NUBPL: variants seen among roughly 807,000 people sequenced by gnomAD.
NUBPL encodes the protein NUBP iron-sulfur cluster assembly factor, mitochondrial.
In NUBPL, 31 loss-of-function variants were observed where a neutral mutation model predicts 45.7. The observed-to-expected ratio is 0.68, with a 90% confidence interval of 0.51 to 0.92. The LOEUF (loss-of-function observed/expected upper bound fraction) is 0.92. Among genes scored for constraint, NUBPL ranks in the 40% least tolerant of loss-of-function variants. The pLI is 0.00. For synonymous variants in NUBPL, 144 were observed against 140.9 expected (o/e 1.02, Z -0.15); for missense variants, 401 against 398.7 (o/e 1.01, Z -0.05).
At chr14:31,735,987 A>G (rs1007403501) in intron 6 of NUBPL, among the ~76,000 whole-genome samples, 53 of 152,344 alleles carry the variant, frequency 3.5e-4, no homozygotes, top group African/African-American at 1.2e-3. Context: ...TTATAAATAA[A>G]TGGTAACTTG....
intron 6 of NUBPL, among the ~76,000 whole-genome samples, chr14:31,697,965 A>G (rs2139883213): frequency 6.6e-6 from 1 of 152,294 alleles, no homozygotes; most frequent in Middle Eastern, 3.4e-3. Flanking sequence ...TTTAAGCTCC[A>G]GGAAGACTTG....
At chr14:31,753,846 TAC>T (rs1327304845) in intron 6 of NUBPL, among the ~76,000 whole-genome samples, 1 of 152,180 alleles carries the variant, frequency 6.6e-6, no homozygotes, top group Non-Finnish European at 1.5e-5. Flanking sequence ...CTACTTGAAG[TAC>T]AGTCATTTAT....
intron 6 of NUBPL, among the ~76,000 whole-genome samples, chr14:31,781,535 C>G (rs2039191211): frequency 6.6e-6 from 1 of 152,188 alleles, no homozygotes; most frequent in Non-Finnish European, 1.5e-5. Context: ...ATTTGTAATT[C>G]AGAGAATGGC....
intron 6 of NUBPL, among the ~76,000 whole-genome samples, chr14:31,780,852 T>A (rs970489): frequency 6.6e-6 from 1 of 152,066 alleles, no homozygotes; most frequent in African/African-American, 2.4e-5. Context: ...CCCCAACATA[T>A]CCGAATTTTA....
In NUBPL at chr14:31,700,112, T is replaced by G. The variant is rs138522782; in HGVS notation, c.513+26538T>G. Among the ~76,000 whole-genome samples the G allele has an allele frequency of 7.4e-4, 112 of 152,350 alleles. 1 individual carries two copies. In the East Asian group the frequency reaches 0.011, roughly 15 times the overall value. ...AACTTAAAAATTGAATTAAAATTGT[T>G]ATACAGTATTCATTATTTGGGCTTA... On this transcript the variant is annotated intron_variant, in intron 6 of 10. Transcript: ENST00000281081.
intron 6 of NUBPL, among the ~76,000 whole-genome samples, chr14:31,768,936 C>T (rs141017289): frequency 6.6e-6 from 1 of 152,208 alleles, no homozygotes; most frequent in Non-Finnish European, 1.5e-5. Flanking sequence ...CTAGGTAAAA[C>T]TAATATAAGT....
chr14:31,680,004 G>A (rs1487912740), intron 6 of NUBPL, among the ~76,000 whole-genome samples: 2 of 152,010 alleles, frequency 1.3e-5, no homozygotes, highest in Non-Finnish European at 2.9e-5. Context: ...CTTGTAAATT[G>A]AATTGTTATT....
intron 6 of NUBPL, among the ~76,000 whole-genome samples, chr14:31,781,588 G>T (rs1427820672): frequency 3.3e-5 from 5 of 152,150 alleles, no homozygotes; most frequent in African/African-American, 1.2e-4. Flanking sequence ...AAAACCTCTT[G>T]CAATCTTACC....
At chr14:31,639,953 G>T (rs1221459252) in intron 4 of NUBPL, among the ~76,000 whole-genome samples, 2 of 152,274 alleles carry the variant, frequency 1.3e-5, no homozygotes, top group African/African-American at 4.8e-5. Context: ...GCAGTATTAG[G>T]GTGGGAGTGA....
chr14:31,735,422 A>G (rs1353606606), intron 6 of NUBPL, among the ~76,000 whole-genome samples: 1 of 152,198 alleles, frequency 6.6e-6, no homozygotes, highest in Non-Finnish European at 1.5e-5. Flanking sequence ...CAGACTAAAC[A>G]TATGTGGAAC....
At chr14:31,740,092 T>G (rs138030462) in intron 6 of NUBPL, among the ~76,000 whole-genome samples, 4,568 of 152,344 alleles carry the variant, frequency 0.03, 98 homozygotes, top group Non-Finnish European at 0.049. Context: ...GTTTTGGCAG[T>G]TATGAATAAA....
intron 3 of NUBPL, among the ~76,000 whole-genome samples, chr14:31,579,259 C>T (rs187397298): frequency 3.6e-4 from 55 of 152,254 alleles, no homozygotes; most frequent in African/African-American, 1.2e-3. Flanking sequence ...ATGACCAATG[C>T]GTCTAATCCT....
chr14:31,748,285 T>A (rs1257782751), intron 6 of NUBPL, among the ~76,000 whole-genome samples: 1 of 152,238 alleles, frequency 6.6e-6, no homozygotes, highest in Admixed American at 6.5e-5. Context: ...AGCTGTTGAA[T>A]GAAATGTTCT....
At chr14:31,776,233 A>G (rs2138780862) in intron 6 of NUBPL, among the ~76,000 whole-genome samples, 1 of 152,290 alleles carries the variant, frequency 6.6e-6, no homozygotes, top group South Asian at 2.1e-4. Flanking sequence ...ATTTCCCTAT[A>G]CTTAGTAAAA....
At chr14:31,569,921 C>T (rs2033536766) in intron 3 of NUBPL, among the ~76,000 whole-genome samples, 1 of 152,072 alleles carries the variant, frequency 6.6e-6, no homozygotes, top group Non-Finnish European at 1.5e-5. Context: ...TATTATGGAT[C>T]TCATTCTTTT....
At position 31,798,300 on chromosome 14, in the gene NUBPL, ATGGT is replaced by A. The variant is rs1432647402; in HGVS notation, c.607+10429_607+10432del. Among the ~76,000 whole-genome samples the A allele has an allele frequency of 2.6e-4, 23 of 87,286 alleles. 1 individual carries two copies. The highest frequency in any genetic ancestry group is 0.01 in the Middle Eastern group (1 of 98). 57.3% of individuals were successfully genotyped at this position (87,286 alleles called of 152,430 possible). A position where few individuals can be genotyped will look rare whatever the true frequency, so the allele number is the denominator to read the frequency against. On this transcript the variant is annotated intron_variant, in intron 7 of 10. Transcript: ENST00000281081. ...CTACTTTCATTTTAGGTATTTATTT[ATGGT>A]TTTTTTTTTTTTTTTTTGCTGTGCT...
chr14:31,571,454 G>A (rs201274503), intron 3 of NUBPL, among the ~76,000 whole-genome samples: 2 of 146,928 alleles, frequency 1.4e-5, no homozygotes, highest in East Asian at 4.1e-4. Flanking sequence ...TGCCAAGTGA[G>A]TGTCTTCTTC....
intron 1 of NUBPL, chr14:31,561,751 C>T (rs1311168264): frequency 1.7e-6 from 1 of 579,688 alleles, no homozygotes; most frequent in East Asian, 2.9e-5. Flanking sequence ...TGGTATTCTA[C>T]ATTGCTTTCT....
At chr14:31,784,526 G>A (rs1046055816) in intron 6 of NUBPL, among the ~76,000 whole-genome samples, 1 of 152,164 alleles carries the variant, frequency 6.6e-6, no homozygotes, top group Non-Finnish European at 1.5e-5. Context: ...CAGAGTTATA[G>A]CTTTCTAGGT....
Sources: gnomAD v4.1 joint callset for allele counts (sites outside exome capture counted in the v4.1 genomes callset) on GRCh38, gnomAD v4.1.1 for gene constraint, MANE v1.5 for transcripts, NCBI Gene and HGNC (gene_info 2026-07-23, HGNC 2026-07-21) for gene names.